ADGRE1: variants seen among roughly 807,000 people sequenced by gnomAD.
The protein encoded by ADGRE1 is adhesion G protein-coupled receptor E1.
A neutral mutation model predicts 102.7 loss-of-function variants in ADGRE1; 82 were observed. The ratio of observed to expected loss-of-function variants is 0.80; its 90% CI spans 0.67 to 0.96. The LOEUF is 0.96. Among genes scored for constraint, ADGRE1 ranks in the 40% least tolerant of loss-of-function variants. ADGRE1 has a pLI of 0.00. For synonymous variants in ADGRE1, 398 were observed against 399.6 expected (o/e 1.00, Z 0.05); for missense variants, 1,032 against 1,085.3 (o/e 0.95, Z 0.69).
intron 5 of ADGRE1, chr19:6,898,776 G>A: frequency 1.9e-6 from 1 of 513,672 alleles, no homozygotes; most frequent in Non-Finnish European, 3.4e-6. Context: ...TTCTCATGTA[G>A]GGATGAGAAA....
Position 6,896,428 on chromosome 19 carries a change from CA to C in ADGRE1, c.126del (p.Ala43LeufsTer67). The C allele has an allele frequency of 6.2e-7, 1 of 1,614,090 alleles. No individual in the cohort carries two copies. The highest frequency in any genetic ancestry group is 8.5e-7 in the Non-Finnish European group (1 of 1,180,000). On this transcript the variant is annotated frameshift_variant, in exon 3 of 21. Transcript: ENST00000312053. LOFTEE classifies it high-confidence loss of function. ...AACTGTAGAGACAGTACCTTGTGCCCAGCTTATGCCACCTGCACCAATACAG... is the reference window on the plus strand; with the variant it reads ...AACTGTAGAGACAGTACCTTGTGCCCGCTTATGCCACCTGCACCAATACAG... ...GNNCRDSTLC[P>X]AYATCTNTVD...
chr19:6,904,333 A>G, intron 8 of ADGRE1, 151 bp downstream of exon 8: 1 of 1,091,900 alleles, frequency 9.2e-7, no homozygotes, highest in Non-Finnish European at 1.3e-6. Flanking sequence ...TACTCTTTCA[A>G]CAAATGATTT....
chr19:6,902,082 G>A (rs1973784222), intron 6 of ADGRE1, 61 bp downstream of exon 6: 4 of 1,596,986 alleles, frequency 2.5e-6, no homozygotes, highest in Admixed American at 1.7e-5. Flanking sequence ...CAGCAGTGAG[G>A]GGATTAGGGT....
At chr19:6,920,523 T>TTTTTG (rs1365097333) in intron 13 of ADGRE1, among the ~76,000 whole-genome samples, 17 of 129,840 alleles carry the variant, frequency 1.3e-4, no homozygotes, top group Non-Finnish European at 2.1e-4. Flanking sequence ...CCGCTTTTTT[T>TTTTTG]TTTTTTTTTT....
In ADGRE1 at chr19:6,913,819, C is replaced by A; in HGVS notation, c.1289C>A (p.Thr430Lys). Reference sequence around the variant, plus strand: ...GCAAATATCACTCCGGCTGTTCGGACGGAATACTTAGGTAGGAGACACCCT... The same window carrying A: ...GCAAATATCACTCCGGCTGTTCGGAAGGAATACTTAGGTAGGAGACACCCT... ...PSANITPAVRTEYLDIESKVI... is the reference protein window; with the variant it reads ...PSANITPAVRKEYLDIESKVI... Residue 430 changes from threonine to lysine, a missense_variant, in exon 11 of 21, where the codon ACG becomes AAG. Coordinates refer to ENST00000312053, the MANE Select transcript of ADGRE1 (RefSeq NM_001974.5). 1 of 1,595,140 alleles carries A rather than the reference C, an allele frequency of 6.3e-7. No homozygotes were observed. The highest frequency in any genetic ancestry group is 8.6e-7 in the Non-Finnish European group (1 of 1,169,058).
At chr19:6,937,453 C>T in intron 19 of ADGRE1, 42 bp downstream of exon 19, 1 of 1,586,064 alleles carries the variant, frequency 6.3e-7, no homozygotes, top group Non-Finnish European at 8.6e-7. Context: ...CTCCCATCCC[C>T]CTCTCCCCCC....
At chr19:6,895,062 G>C (rs574372078) in intron 2 of ADGRE1, 1 of 152,216 alleles carries the variant, frequency 6.6e-6, no homozygotes, top group Non-Finnish European at 1.5e-5. Context: ...ATGGAACAGC[G>C]TCGTGGAACA....
At chr19:6,902,375 C>T (rs1231370320) in intron 6 of ADGRE1, among the ~76,000 whole-genome samples, 7 of 152,020 alleles carry the variant, frequency 4.6e-5, no homozygotes, top group Admixed American at 2.6e-4. Flanking sequence ...ATGTTCTCAA[C>T]CCCTCCACTG....
intron 20 of ADGRE1, among the ~76,000 whole-genome samples, chr19:6,937,874 C>CAT (rs199977674): frequency 6.6e-6 from 1 of 151,854 alleles, no homozygotes; most frequent in African/African-American, 2.4e-5. Context: ...AAGAATAAGA[C>CAT]ATATATAATT....
At position 6,898,471 on chromosome 19, in the gene ADGRE1, C is replaced by G. The variant is rs1973652481; in HGVS notation, c.514+924C>G. ...CAATTTCTCCTGTACTGGTGATGCC[C>G]TCAGGTTCCCAGGGATGGGTCTTGA... On this transcript the variant is annotated intron_variant, in intron 5 of 20. Transcript: ENST00000312053. 8.2e-6 allele frequency: 13 copies of G among 1,589,334 alleles called. No individual in the cohort carries two copies. The South Asian group carries it at 8.8e-5, about 11-fold the overall frequency.
chr19:6,903,982 AAGACATTT>A (rs1973860104), intron 7 of ADGRE1, 32 bp downstream of exon 7: 4 of 1,614,090 alleles, frequency 2.5e-6, no homozygotes, highest in Non-Finnish European at 3.4e-6. Flanking sequence ...CAATCCAGAA[AAGACATTT>A]CTCTTTGCTC....
intron 5 of ADGRE1, chr19:6,898,346 C>T: frequency 1.3e-6 from 2 of 1,597,918 alleles, no homozygotes; most frequent in Non-Finnish European, 1.7e-6. Context: ...CCCTGTGGTC[C>T]TAATTCATCC....
In ADGRE1 at chr19:6,932,349, T is replaced by C. The variant is rs528613084; in HGVS notation, c.2290-2638T>C. 2.0e-5 allele frequency among the ~76,000 whole-genome samples: 3 copies of C among 152,148 alleles called. No individual in the cohort carries two copies. The East Asian group carries it at 5.8e-4, about 29-fold the overall frequency. ...CAGGCGTGGTGGTGCACGCCTGTAG[T>C]CCCAGCTACTCAGGAGGCTGAGGCA... On this transcript the variant is annotated intron_variant, in intron 17 of 20. Coordinates refer to ENST00000312053, the MANE Select transcript of ADGRE1 (RefSeq NM_001974.5).
At chr19:6,937,448 A>G (rs765962733) in intron 19 of ADGRE1, 37 bp downstream of exon 19, 3 of 399,356 alleles carry the variant, frequency 7.5e-6, no homozygotes, top group African/African-American at 1.2e-4. Flanking sequence ...CCCTCCTCCC[A>G]TCCCCCTCTC....
rs200363141 is a variant in ADGRE1 at position 6,903,968 on chromosome 19, T to C, written c.802+18T>C. 5.6e-6 allele frequency: 9 copies of C among 1,614,198 alleles called. No homozygotes were observed. The highest frequency in any genetic ancestry group is 7.6e-6 in the Non-Finnish European group (9 of 1,180,026). Reference sequence around the variant, plus strand: ...ATGTAGAGGTGAGCAGAGAGTTTGATGGACAATCCAGAAAAGACATTTCTC... The same window carrying C: ...ATGTAGAGGTGAGCAGAGAGTTTGACGGACAATCCAGAAAAGACATTTCTC... On this transcript the variant is annotated intron_variant, in intron 7 of 20. Coordinates refer to ENST00000312053, the MANE Select transcript of ADGRE1 (RefSeq NM_001974.5).
At chr19:6,890,084 A>G (rs995410850) in intron 1 of ADGRE1, among the ~76,000 whole-genome samples, 5 of 151,994 alleles carry the variant, frequency 3.3e-5, no homozygotes, top group African/African-American at 1.2e-4. Flanking sequence ...CTAATTTAAA[A>G]AATTTTTTTT....
chr19:6,934,084 T>C (rs1046116417), intron 17 of ADGRE1, among the ~76,000 whole-genome samples: 5 of 152,110 alleles, frequency 3.3e-5, no homozygotes, highest in Non-Finnish European at 7.3e-5. Flanking sequence ...GCTACCATCA[T>C]CACTCGCGTT....
intron 16 of ADGRE1, among the ~76,000 whole-genome samples, chr19:6,927,505 A>G (rs1974971858): frequency 6.6e-6 from 1 of 152,116 alleles, no homozygotes; most frequent in Admixed American, 6.5e-5. Context: ...TAAACAAGGT[A>G]ACTTACGATA....
At chr19:6,891,956 T>A (rs772807255) in intron 2 of ADGRE1, among the ~76,000 whole-genome samples, 1 of 151,796 alleles carries the variant, frequency 6.6e-6, no homozygotes, top group Non-Finnish European at 1.5e-5. Flanking sequence ...CGAAGGTGAG[T>A]GTGACTGATG....
Sources: gnomAD v4.1 joint callset for allele counts (sites outside exome capture counted in the v4.1 genomes callset) on GRCh38, gnomAD v4.1.1 for gene constraint, MANE v1.5 for transcripts, NCBI Gene and HGNC (gene_info 2026-07-23, HGNC 2026-07-21) for gene names.